MTUS2: variants seen among roughly 807,000 people sequenced by gnomAD.
The protein encoded by MTUS2 is microtubule-associated tumor suppressor candidate 2.
Under a neutral mutation model 114.1 loss-of-function variants are expected in MTUS2, and 40 were observed. The ratio of observed to expected loss-of-function variants is 0.35; its 90% CI spans 0.27 to 0.46. The LOEUF (loss-of-function observed/expected upper bound fraction) is 0.46. MTUS2 is among the 20% of genes least tolerant of loss of function. The pLI, the probability that MTUS2 is intolerant of heterozygous loss-of-function variation, is 1.00. For missense variants in MTUS2, 1,679 were observed against 1,705.4 expected (o/e 0.98, Z 0.27); for synonymous variants, 688 against 672.0 (o/e 1.02, Z -0.37).
intron 5 of MTUS2, among the ~76,000 whole-genome samples, chr13:29,145,320 G>A (rs1892386608): frequency 6.6e-6 from 1 of 152,074 alleles, no homozygotes; most frequent in Admixed American, 6.6e-5. Context: ...AGAAGTTCAA[G>A]ACCAGCCTGG....
intron 2 of MTUS2, among the ~76,000 whole-genome samples, chr13:28,960,927 C>T (rs1278482252): frequency 6.6e-6 from 1 of 151,832 alleles, no homozygotes; most frequent in Non-Finnish European, 1.5e-5. Flanking sequence ...AAACGAAAGT[C>T]TCCACAAAGA....
chr13:29,246,442 C>A (rs148066174), intron 5 of MTUS2, among the ~76,000 whole-genome samples: 163 of 152,338 alleles, frequency 1.1e-3, no homozygotes, highest in African/African-American at 3.8e-3. Flanking sequence ...AACTCAGAGA[C>A]CAGAGAGCCG....
At chr13:29,044,339 G>A (rs900411973) in intron 4 of MTUS2, among the ~76,000 whole-genome samples, 6 of 151,918 alleles carry the variant, frequency 3.9e-5, no homozygotes, top group Non-Finnish European at 8.8e-5. Flanking sequence ...TAGTGTGTCG[G>A]TTTTCTCTGG....
intron 14 of MTUS2, among the ~76,000 whole-genome samples, chr13:29,500,627 C>A (rs1351515318): frequency 2.0e-5 from 3 of 152,142 alleles, no homozygotes; most frequent in African/African-American, 7.2e-5. Context: ...AATGTAATGT[C>A]GTGCACGCAA....
chr13:29,356,890 A>G (rs569737276), intron 7 of MTUS2, among the ~76,000 whole-genome samples: 1 of 152,278 alleles, frequency 6.6e-6, no homozygotes, highest in African/African-American at 2.4e-5. Flanking sequence ...TTGGTTTCAC[A>G]AGGTAGTTTG....
At chr13:29,144,077 A>G (rs1892333306) in intron 5 of MTUS2, among the ~76,000 whole-genome samples, 1 of 152,226 alleles carries the variant, frequency 6.6e-6, no homozygotes, top group Admixed American at 6.5e-5. Context: ...TAGGGAACAA[A>G]AGTAAATGAA....
chr13:29,190,399 T>A (rs574985150), intron 5 of MTUS2, among the ~76,000 whole-genome samples: 87 of 152,310 alleles, frequency 5.7e-4, no homozygotes, highest in African/African-American at 2.0e-3. Flanking sequence ...CTGCCCACAT[T>A]TATAAAGCTG....
chr13:29,033,983 C>T lies in MTUS2; in HGVS notation c.2304C>T (p.Pro768=). 6.2e-7 allele frequency: 1 copy of T among 1,613,912 alleles called. No individual in the cohort carries two copies. The highest frequency in any genetic ancestry group is 8.5e-7 in the Non-Finnish European group (1 of 1,179,882). The part of the protein sequence containing the change: ...TFYRSAMLLK[P]QLGLGAMSRL... ...ATCGGTCAGCCATGCTCCTTAAGCCCCAGCTAGGATTGGGTGCAATGTCCC... is the reference window on the plus strand; with the variant it reads ...ATCGGTCAGCCATGCTCCTTAAGCCTCAGCTAGGATTGGGTGCAATGTCCC... The change falls in exon 4 of 16, where the codon CCC becomes CCT. Residue 768 remains proline, a synonymous_variant. Coordinates refer to ENST00000612955, the MANE Select transcript of MTUS2 (RefSeq NM_001033602.4).
At chr13:28,845,161 G>A (rs1188939819) in intron 2 of MTUS2, among the ~76,000 whole-genome samples, 1 of 152,010 alleles carries the variant, frequency 6.6e-6, no homozygotes, top group East Asian at 1.9e-4. Flanking sequence ...GCATCTTGCT[G>A]TGTTGCTCAA....
chr13:28,830,617 T>A lies in MTUS2; in HGVS notation c.-315-9161T>A, dbSNP rs183553849. On this transcript the variant is annotated intron_variant, in intron 1 of 15. Transcript: ENST00000612955. ...ATTATATACTATGAGGAACAGAAAG[T>A]CAAAGGAATGAAGAGAAATGAACAG... 2.6e-5 allele frequency among the ~76,000 whole-genome samples: 4 copies of A among 151,792 alleles called. No homozygotes were observed. The East Asian group carries it at 7.7e-4, about 29-fold the overall frequency.
At chr13:29,325,184 G>T (rs1042710827) in intron 7 of MTUS2, among the ~76,000 whole-genome samples, 14 of 152,166 alleles carry the variant, frequency 9.2e-5, no homozygotes, top group Non-Finnish European at 1.8e-4. Flanking sequence ...GGCCAGGCGT[G>T]GTGGCTCACG....
At chr13:29,306,583 C>T (rs766683028) in intron 6 of MTUS2, among the ~76,000 whole-genome samples, 32 of 152,060 alleles carry the variant, frequency 2.1e-4, no homozygotes, top group African/African-American at 6.5e-4. Flanking sequence ...GCCAACAAGG[C>T]GAATGAAGGA....
chr13:29,392,686 C>T (rs2138447135), intron 8 of MTUS2, among the ~76,000 whole-genome samples: 1 of 152,190 alleles, frequency 6.6e-6, no homozygotes, highest in Admixed American at 6.5e-5. Context: ...ATAGGGAGGT[C>T]CCTAGAGTAG....
At chr13:29,436,715 C>G (rs1157690327) in intron 8 of MTUS2, among the ~76,000 whole-genome samples, 2 of 152,030 alleles carry the variant, frequency 1.3e-5, no homozygotes, top group African/African-American at 4.8e-5. Context: ...ATAGCCTCTG[C>G]TTCCCCAAAT....
chr13:29,386,908 G>C (rs1872664646), intron 8 of MTUS2, among the ~76,000 whole-genome samples: 1 of 152,164 alleles, frequency 6.6e-6, no homozygotes, highest in Admixed American at 6.5e-5. Flanking sequence ...GGAGGGGAGG[G>C]GTTCAAAGGC....
At chr13:29,271,325 A>G (rs894507363) in intron 5 of MTUS2, among the ~76,000 whole-genome samples, 3 of 152,110 alleles carry the variant, frequency 2.0e-5, no homozygotes, top group Non-Finnish European at 2.9e-5. Context: ...TCTTCCATCT[A>G]TCTTTCTTCC....
intron 8 of MTUS2, among the ~76,000 whole-genome samples, chr13:29,392,002 C>T (rs1873519025): frequency 6.6e-6 from 1 of 151,714 alleles, no homozygotes; most frequent in African/African-American, 2.4e-5. Flanking sequence ...GGTGGCACGG[C>T]CTGTAATCTC....
intron 5 of MTUS2, among the ~76,000 whole-genome samples, chr13:29,218,032 C>G (rs1895749929): frequency 6.6e-6 from 1 of 151,986 alleles, no homozygotes; most frequent in African/African-American, 2.4e-5. Flanking sequence ...CAGGAGTATT[C>G]CTTGAGTCCA....
intron 5 of MTUS2, among the ~76,000 whole-genome samples, chr13:29,151,108 A>T (rs537158384): frequency 3.3e-5 from 5 of 152,294 alleles, no homozygotes; most frequent in African/African-American, 1.2e-4. Flanking sequence ...TAACAATAGC[A>T]TTGAATCTAC....
Sources: gnomAD v4.1 joint callset for allele counts (sites outside exome capture counted in the v4.1 genomes callset) on GRCh38, gnomAD v4.1.1 for gene constraint, MANE v1.5 for transcripts, NCBI Gene and HGNC (gene_info 2026-07-23, HGNC 2026-07-21) for gene names.